Variants in LRRC7 observed in about 807,000 individuals in gnomAD.
LRRC7 encodes the protein leucine-rich repeat-containing protein 7.
LRRC7 carries 23 observed loss-of-function variants against 175.7 expected under a neutral mutation model. That is an observed-to-expected ratio of 0.13 (90% CI 0.09 to 0.19). The LOEUF is 0.19. Ranked by LOEUF, LRRC7 falls within the 10% of genes least tolerant of loss-of-function variation. The pLI is 1.00. For missense variants in LRRC7, 1,354 were observed against 1,904.7 expected, an observed-to-expected ratio of 0.71 and a Z score of 5.38; for synonymous variants, 685 against 680.9, an observed-to-expected ratio of 1.01 and a Z score of -0.09.
At chr1:69,757,703 A>G (rs1670584818) in intron 2 of LRRC7, among the ~76,000 whole-genome samples, 1 of 151,988 alleles carries the variant, frequency 6.6e-6, no homozygotes, top group Non-Finnish European at 1.5e-5. Flanking sequence ...ATGTGCAATG[A>G]TAGCAACACA....
chr1:69,773,934 G>T (rs561061382), intron 3 of LRRC7, among the ~76,000 whole-genome samples: 18 of 152,268 alleles, frequency 1.2e-4, no homozygotes, highest in Admixed American at 8.5e-4. Context: ...CAGGAGGATT[G>T]CTTGAGCCCA....
At chr1:70,089,274 C>A (rs1663846072) in intron 24 of LRRC7, among the ~76,000 whole-genome samples, 1 of 152,146 alleles carries the variant, frequency 6.6e-6, no homozygotes, top group African/African-American at 2.4e-5. Flanking sequence ...TACTCTACTA[C>A]AAAGCAGGCA....
intron 8 of LRRC7, among the ~76,000 whole-genome samples, chr1:69,975,413 A>C (rs996191489): frequency 1.3e-5 from 2 of 151,986 alleles, no homozygotes; most frequent in African/African-American, 4.8e-5. Flanking sequence ...TTCTACCATA[A>C]ATTCTAATTT....
chr1:69,720,995 C>A (rs1472638337), intron 2 of LRRC7, among the ~76,000 whole-genome samples: 7 of 151,902 alleles, frequency 4.6e-5, no homozygotes, highest in Non-Finnish European at 7.4e-5. Context: ...TATATGTCAA[C>A]TAGTACAGAC....
At chr1:69,838,640 A>G (rs1376162509) in intron 7 of LRRC7, among the ~76,000 whole-genome samples, 2 of 151,892 alleles carry the variant, frequency 1.3e-5, no homozygotes, top group Non-Finnish European at 2.9e-5. Flanking sequence ...CTTCAAGTTA[A>G]TTTATGGATT....
chr1:69,917,936 A>G (rs1010385145), intron 7 of LRRC7, among the ~76,000 whole-genome samples: 1 of 152,168 alleles, frequency 6.6e-6, no homozygotes, highest in Non-Finnish European at 1.5e-5. Context: ...CAGTATTTTC[A>G]TTATTTCTCT....
At chr1:69,769,455 T>C (rs911377802) in intron 3 of LRRC7, among the ~76,000 whole-genome samples, 5 of 152,194 alleles carry the variant, frequency 3.3e-5, no homozygotes, top group African/African-American at 1.2e-4. Flanking sequence ...ATTTCACACC[T>C]GATCTCATAT....
intron 4 of LRRC7, among the ~76,000 whole-genome samples, chr1:69,800,342 A>C (rs773060664): frequency 5.3e-5 from 8 of 151,978 alleles, no homozygotes; most frequent in Non-Finnish European, 1.2e-4. Context: ...CAGTATGGTC[A>C]TTTCAACAAT....
At chr1:69,987,645 AT>A (rs1442845586) in intron 10 of LRRC7, among the ~76,000 whole-genome samples, 2 of 152,214 alleles carry the variant, frequency 1.3e-5, no homozygotes, top group Non-Finnish European at 2.9e-5. Flanking sequence ...TCCAGAACAT[AT>A]AACTTTTAAA....
intron 7 of LRRC7, among the ~76,000 whole-genome samples, chr1:69,847,601 C>T (rs183320827): frequency 1.5e-4 from 23 of 152,190 alleles, no homozygotes; most frequent in Admixed American, 1.4e-3. Context: ...TGCCTAATGA[C>T]AGCACTACCC....
At chr1:69,925,729 G>T (rs1246515770) in intron 7 of LRRC7, among the ~76,000 whole-genome samples, 2 of 151,908 alleles carry the variant, frequency 1.3e-5, no homozygotes, top group Non-Finnish European at 2.9e-5. Flanking sequence ...TATCAATTTT[G>T]TTGATCCTTG....
intron 1 of LRRC7, among the ~76,000 whole-genome samples, chr1:69,588,154 T>C (rs146755605): frequency 2.2e-4 from 33 of 152,304 alleles, no homozygotes; most frequent in Non-Finnish European, 3.7e-4. Flanking sequence ...GGAAAGTTAG[T>C]GGTTTTTTTC....
At chr1:69,891,212 C>T in intron 7 of LRRC7, among the ~76,000 whole-genome samples, 1 of 152,128 alleles carries the variant, frequency 6.6e-6, no homozygotes, top group East Asian at 1.9e-4. Context: ...AGTGGAAGAC[C>T]CACAAATCTT....
chr1:70,013,773 C>T (rs1656730819), intron 13 of LRRC7, among the ~76,000 whole-genome samples: 1 of 151,832 alleles, frequency 6.6e-6, no homozygotes, highest in East Asian at 1.9e-4. Flanking sequence ...ATAAAATAAT[C>T]ACAAAATATA....
chr1:70,060,600 G>GA (rs1296744254), intron 23 of LRRC7, among the ~76,000 whole-genome samples: 3 of 152,074 alleles, frequency 2.0e-5, no homozygotes, highest in South Asian at 2.1e-4. Flanking sequence ...TTAAATATTG[G>GA]AAAAAAATAG....
intron 2 of LRRC7, among the ~76,000 whole-genome samples, chr1:69,704,748 A>G (rs1663809839): frequency 6.6e-6 from 1 of 151,952 alleles, no homozygotes; most frequent in Middle Eastern, 3.2e-3. Flanking sequence ...AAGCACTTCA[A>G]GCCCAGATAT....
chr1:70,111,113 A>G (rs1435629764), intron 26 of LRRC7, among the ~76,000 whole-genome samples: 1 of 152,192 alleles, frequency 6.6e-6, no homozygotes, highest in African/African-American at 2.4e-5. Context: ...GGTTTAATCT[A>G]ACCCAATAGC....
intron 2 of LRRC7, among the ~76,000 whole-genome samples, chr1:69,702,160 G>A (rs1409932177): frequency 6.6e-6 from 1 of 152,130 alleles, no homozygotes; most frequent in Non-Finnish European, 1.5e-5. Context: ...TTGGCCACAT[G>A]CCCAGAGAAT....
intron 8 of LRRC7, among the ~76,000 whole-genome samples, chr1:69,939,003 A>C (rs940172479): frequency 2.0e-5 from 2 of 98,426 alleles, no homozygotes; most frequent in African/African-American, 7.1e-5. Context: ...GATTATATAT[A>C]TATATATATA....
Sources: allele counts gnomAD v4.1 joint callset (sites outside exome capture counted in the v4.1 genomes callset), GRCh38; gene constraint gnomAD v4.1.1; transcripts MANE v1.5; gene names NCBI Gene and HGNC (gene_info 2026-07-23, HGNC 2026-07-21).